Variants in HECTD2 observed in about 807,000 individuals in gnomAD.
HECTD2 encodes probable E3 ubiquitin-protein ligase HECTD2.
HECTD2 carries 35 observed loss-of-function variants against 103.2 expected under a neutral mutation model. The observed-to-expected ratio is 0.34, with a 90% confidence interval of 0.26 to 0.45. HECTD2 has a LOEUF of 0.45. HECTD2 is among the 20% of genes least tolerant of loss of function. The probability of loss-of-function intolerance (pLI) is 1.00; values close to 1 mark genes in which losing one functional copy is unlikely to be tolerated. For synonymous variants in HECTD2, 281 were observed against 329.9 expected (o/e 0.85, Z 1.61); for missense variants, 596 against 937.4 (o/e 0.64, Z 4.76).
Position 91,512,505 on chromosome 10 carries a change from T to A in HECTD2, c.*121T>A. 2.1e-6 allele frequency: 2 copies of A among 934,670 alleles called. No homozygotes were observed. The highest frequency in any genetic ancestry group is 2.0e-5 in the South Asian group (1 of 49,228). 57.9% of individuals were successfully genotyped at this position (934,670 alleles called of 1,614,324 possible). On this transcript the variant is annotated 3_prime_UTR_variant, in exon 21 of 21. Coordinates refer to ENST00000298068, the MANE Select transcript of HECTD2 (RefSeq NM_182765.6). ...ACAAAGCTCACCAACTTTAAAATAT[T>A]AAGTTTTTAAAAAATCAAATATGAA...
intron 2 of HECTD2, among the ~76,000 whole-genome samples, chr10:91,452,952 C>G (rs1844900858): frequency 1.3e-5 from 2 of 151,906 alleles, no homozygotes; most frequent in South Asian, 4.2e-4. Context: ...AAGGAGTTCT[C>G]TAAACAGAAA....
At chr10:91,469,286 C>G (rs1375363028) in intron 5 of HECTD2, among the ~76,000 whole-genome samples, 3 of 152,058 alleles carry the variant, frequency 2.0e-5, no homozygotes, top group Non-Finnish European at 4.4e-5. Context: ...ATGACCATCC[C>G]CAAGACACAC....
chr10:91,446,237 G>T (rs1000043372), intron 2 of HECTD2, among the ~76,000 whole-genome samples: 3 of 147,364 alleles, frequency 2.0e-5, no homozygotes, highest in African/African-American at 7.5e-5. Flanking sequence ...GGCAAACAGG[G>T]TCTGGAGTGG....
upstream of HECTD2, chr10:91,410,189 G>A (rs570734829): frequency 6.6e-6 from 1 of 152,014 alleles, no homozygotes; most frequent in African/African-American, 2.4e-5. Context: ...GCCCCGGGCG[G>A]GCGGGGGAGG....
At chr10:91,417,992 A>G (rs1411106597) in intron 1 of HECTD2, among the ~76,000 whole-genome samples, 2 of 152,134 alleles carry the variant, frequency 1.3e-5, no homozygotes, top group East Asian at 3.9e-4. Flanking sequence ...ACAGTGTAAA[A>G]GTGTTCCTAT....
intron 13 of HECTD2, 136 bp from the exon 14 acceptor site, chr10:91,493,284 C>T (rs1037006050): frequency 7.3e-6 from 3 of 412,812 alleles, no homozygotes; most frequent in Non-Finnish European, 1.3e-5. Context: ...AAATTTTTAA[C>T]TTGAAAGATG....
upstream of HECTD2, chr10:91,410,296 G>A (rs1219794453): frequency 1.5e-5 from 4 of 268,564 alleles, no homozygotes; most frequent in Non-Finnish European, 2.3e-5. Context: ...GCGCGGGCGC[G>A]GGCGGGGGCG....
intron 2 of HECTD2, among the ~76,000 whole-genome samples, chr10:91,427,731 G>T (rs986883157): frequency 2.6e-5 from 4 of 152,066 alleles, no homozygotes; most frequent in Admixed American, 2.6e-4. Context: ...TGAGTTCATT[G>T]TAGATTCTGG....
chr10:91,409,378 C>T (rs1430028180), upstream of HECTD2: 4 of 152,154 alleles, frequency 2.6e-5, no homozygotes, highest in Admixed American at 2.6e-4. Context: ...AGTTTTTACT[C>T]CTATTTGTAA....
intron 7 of HECTD2, among the ~76,000 whole-genome samples, chr10:91,481,515 C>G (rs1452330250): frequency 6.6e-6 from 1 of 150,952 alleles, no homozygotes; most frequent in Non-Finnish European, 1.5e-5. Flanking sequence ...TCAGGATTTT[C>G]TTTTATTTTC....
chr10:91,445,317 T>G (rs1844553369), intron 2 of HECTD2, among the ~76,000 whole-genome samples: 1 of 152,164 alleles, frequency 6.6e-6, no homozygotes. Context: ...AGGAAGAACC[T>G]GGGCTTCCCT....
chr10:91,504,946 A>C (rs1178062404), intron 20 of HECTD2, among the ~76,000 whole-genome samples: 2 of 152,256 alleles, frequency 1.3e-5, no homozygotes, highest in African/African-American at 4.8e-5. Flanking sequence ...AAACCCTACA[A>C]GCCAGAAGAG....
Position 91,460,476 on chromosome 10 carries a change from A to T in HECTD2, c.318A>T (p.Thr106=). ...TTGATGTTAGACAAAAACAGCGTACATCTATGGATGCATCATCATCCGAAA... is the reference window on the plus strand; with the variant it reads ...TTGATGTTAGACAAAAACAGCGTACTTCTATGGATGCATCATCATCCGAAA... The part of the protein sequence containing the change: ...ICLDVRQKQR[T]SMDASSSEMK... Residue 106 remains threonine (T), a synonymous_variant, in exon 3 of 21, where the codon ACA becomes ACT. Transcript: ENST00000298068. The T allele has an allele frequency of 6.2e-7, 1 of 1,612,368 alleles. No homozygotes were observed. The highest frequency in any genetic ancestry group is 8.5e-7 in the Non-Finnish European group (1 of 1,178,974).
chr10:91,417,407 C>T (rs1423296195), intron 1 of HECTD2, among the ~76,000 whole-genome samples: 2 of 151,658 alleles, frequency 1.3e-5, no homozygotes, highest in African/African-American at 4.9e-5. Flanking sequence ...TTTTAGGGTA[C>T]ATGTGCACAA....
At chr10:91,443,440 C>T (rs995611759) in intron 2 of HECTD2, among the ~76,000 whole-genome samples, 3 of 150,850 alleles carry the variant, frequency 2.0e-5, no homozygotes, top group Non-Finnish European at 2.9e-5. Flanking sequence ...GCTGCCTGTT[C>T]CTTCCTCTGG....
At chr10:91,423,376 G>A (rs555907862) in intron 1 of HECTD2, among the ~76,000 whole-genome samples, 1 of 152,258 alleles carries the variant, frequency 6.6e-6, no homozygotes, top group South Asian at 2.1e-4. Flanking sequence ...AGTAGTAGGT[G>A]TATAACAAGT....
Position 91,487,729 on chromosome 10 carries a change from A to C in HECTD2, c.1142A>C (p.Lys381Thr), listed in dbSNP as rs1846316768. ...TTCGTTATTTCTGTAGCTGCAAAAAAAATCATTATTCAGAGAGACTCAGAG... is the reference window on the plus strand; with the variant it reads ...TTCGTTATTTCTGTAGCTGCAAAAACAATCATTATTCAGAGAGACTCAGAG... ...YPFVISVAAK[K>T]IIIQRDSEQQ... Residue 381 changes from lysine (K) to threonine (T), a missense_variant, in exon 11 of 21, where the codon AAA (lysine) becomes ACA (threonine). Transcript: ENST00000298068. This position sits in a 1 kb window ranked among gnomAD's most constrained non-coding sequence, Gnocchi z 4.1. The C allele has an allele frequency of 6.2e-7, 1 of 1,612,662 alleles. No homozygotes were observed. The highest frequency in any genetic ancestry group is 8.5e-7 in the Non-Finnish European group (1 of 1,179,078).
rs564377229 is a variant in HECTD2, at chr10:91,489,922, G to C, written c.1192-1278G>C. Reference sequence around the variant, plus strand: ...ATGTTTATCTTTAATCTGCACAATAGTTTTCATTGTTACCAAAAAAAGATA... The same window carrying C: ...ATGTTTATCTTTAATCTGCACAATACTTTTCATTGTTACCAAAAAAAGATA... On this transcript the variant is annotated intron_variant, in intron 11 of 20. Coordinates refer to ENST00000298068, the MANE Select transcript of HECTD2 (RefSeq NM_182765.6). 3.5e-4 allele frequency: 54 copies of C among 152,136 alleles called. 1 individual carries two copies. In the East Asian group the frequency reaches 6.6e-3, roughly 18 times the overall value. The allele number at this position is 152,136 out of a possible 1,614,324, so 9.4% of individuals were successfully genotyped here. A position where few individuals can be genotyped will look rare whatever the true frequency, so the allele number is the denominator to read the frequency against.
intron 5 of HECTD2, among the ~76,000 whole-genome samples, chr10:91,474,233 G>A (rs1845829374): frequency 6.6e-6 from 1 of 152,098 alleles, no homozygotes; most frequent in Non-Finnish European, 1.5e-5. Flanking sequence ...TAAAAAGTGA[G>A]TTGAATGAAA....
Sources: gnomAD v4.1 joint callset for allele counts (sites outside exome capture counted in the v4.1 genomes callset) on GRCh38, gnomAD v4.1.1 for gene constraint, Gnocchi (gnomAD v3.1) non-coding constraint, MANE v1.5 for transcripts, NCBI Gene and HGNC (gene_info 2026-07-23, HGNC 2026-07-21) for gene names.